Variants in SCAPER observed in about 807,000 individuals in gnomAD.
SCAPER encodes S-phase cyclin A associated protein in the ER, also known as S phase cyclin A-associated protein in the endoplasmic reticulum.
SCAPER carries 98 observed loss-of-function variants against 182.2 expected under a neutral mutation model. The ratio of observed to expected loss-of-function variants is 0.54; its 90% CI spans 0.46 to 0.64. The LOEUF (loss-of-function observed/expected upper bound fraction) is 0.64. Among genes scored for constraint, SCAPER ranks in the 30% least tolerant of loss-of-function variants. The pLI is 0.00. For synonymous variants in SCAPER, 605 were observed against 564.6 expected, an observed-to-expected ratio of 1.07 and a Z score of -1.01; for missense variants, 1,432 against 1,690.0, an observed-to-expected ratio of 0.85 and a Z score of 2.68.
In SCAPER at chr15:76,856,724, C is replaced by T. The variant is rs112395568; in HGVS notation, c.195+1085G>A. Among the ~76,000 whole-genome samples the T allele has an allele frequency of 2.0e-3, 301 of 151,878 alleles. 3 individuals carry two copies. The highest frequency in any genetic ancestry group is 6.6e-3 in the African/African-American group (272 of 41,428). The stretch of plus-strand genomic sequence containing the variant: ...ATTGTCCAAAAAATCAAAAGTTAGC[C>T]AGGCACAGTGGTGTACACTTGTGGT... On this transcript the variant is annotated intron_variant, in intron 4 of 31. Transcript: ENST00000563290.
chr15:76,876,007 G>C (rs565939556), intron 2 of SCAPER, among the ~76,000 whole-genome samples: 1 of 152,172 alleles, frequency 6.6e-6, no homozygotes, highest in African/African-American at 2.4e-5. Flanking sequence ...GCGAGAAATC[G>C]AGCGCAGCGC....
intron 22 of SCAPER, 53 bp downstream of exon 22, chr15:76,621,711 T>C: frequency 7.2e-7 from 1 of 1,394,932 alleles, no homozygotes; most frequent in Non-Finnish European, 1.0e-6. Flanking sequence ...GAGATACACT[T>C]TTGTTACAGG....
At chr15:76,746,823 C>T (rs554152482) in intron 15 of SCAPER, among the ~76,000 whole-genome samples, 1 of 152,076 alleles carries the variant, frequency 6.6e-6, no homozygotes, top group African/African-American at 2.4e-5. Flanking sequence ...CAGTGAAATA[C>T]TTGTATGTTA....
intron 8 of SCAPER, among the ~76,000 whole-genome samples, chr15:76,779,504 T>C (rs192971497): frequency 7.4e-4 from 112 of 152,136 alleles, no homozygotes; most frequent in African/African-American, 1.2e-3. Context: ...AAAGATAAAA[T>C]AGACAATCTG....
At position 76,775,121 on chromosome 15, in the gene SCAPER, T is replaced by G; in HGVS notation, c.773-4A>C. The G allele has an allele frequency of 6.3e-7, 1 of 1,583,872 alleles. No homozygotes were observed. The highest frequency in any genetic ancestry group is 1.4e-5 in the African/African-American group (1 of 73,568). ...CATCCTTCAGCATCTTTCCGTTCTA[T>G]GCAATTAAAGTAAAAAACAAATCAA... On this transcript the variant is annotated splice_region_variant and splice_polypyrimidine_tract_variant and intron_variant, in intron 8 of 31. Transcript: ENST00000563290.
chr15:76,566,191 A>C (rs2047023250), intron 23 of SCAPER, among the ~76,000 whole-genome samples: 1 of 152,190 alleles, frequency 6.6e-6, no homozygotes, highest in Non-Finnish European at 1.5e-5. Context: ...AAAAAGAGGA[A>C]AATGGTAGGG....
chr15:76,663,453 A>G (rs1476730969), intron 21 of SCAPER, among the ~76,000 whole-genome samples: 1 of 152,154 alleles, frequency 6.6e-6, no homozygotes, highest in Non-Finnish European at 1.5e-5. Context: ...TTTATTTATA[A>G]ATGTCCCAGA....
chr15:76,750,731 C>T (rs1363636349), intron 15 of SCAPER, among the ~76,000 whole-genome samples: 1 of 151,718 alleles, frequency 6.6e-6, no homozygotes, highest in Non-Finnish European at 1.5e-5. Context: ...AAACAACAAA[C>T]TAGGAACAGA....
chr15:76,527,018 C>A (rs945017070), intron 23 of SCAPER, among the ~76,000 whole-genome samples: 1 of 151,906 alleles, frequency 6.6e-6, no homozygotes, highest in Non-Finnish European at 1.5e-5. Context: ...ATTACAGATG[C>A]CCAACACCAT....
At chr15:76,767,301 T>C (rs1467353141) in intron 10 of SCAPER, among the ~76,000 whole-genome samples, 1 of 152,120 alleles carries the variant, frequency 6.6e-6, no homozygotes, top group African/African-American at 2.4e-5. Flanking sequence ...TTCCATAAAA[T>C]GGAACAATAA....
intron 20 of SCAPER, among the ~76,000 whole-genome samples, chr15:76,692,708 A>AAAAAAAAGG (rs2058432709): frequency 6.6e-6 from 1 of 150,964 alleles, no homozygotes; most frequent in Non-Finnish European, 1.5e-5. Context: ...AAAAAAAAAA[A>AAAAAAAAGG]AAAAGGAAAA....
chr15:76,515,434 A>C (rs936194091), intron 23 of SCAPER, among the ~76,000 whole-genome samples: 1 of 152,174 alleles, frequency 6.6e-6, no homozygotes, highest in African/African-American at 2.4e-5. Context: ...CTTTGCCCCT[A>C]TATCTCAAGT....
chr15:76,438,656 G>A (rs774922449), intron 25 of SCAPER, among the ~76,000 whole-genome samples: 1 of 152,186 alleles, frequency 6.6e-6, no homozygotes, highest in Non-Finnish European at 1.5e-5. Flanking sequence ...TCCCTTGTCA[G>A]GCTTGCTGGG....
intron 20 of SCAPER, among the ~76,000 whole-genome samples, chr15:76,690,983 A>G (rs1212741970): frequency 6.6e-6 from 1 of 152,158 alleles, no homozygotes; most frequent in Non-Finnish European, 1.5e-5. Flanking sequence ...AGCAAGGGAA[A>G]AAAGAGGGCT....
chr15:76,873,336 AGGCAGGC>A (rs1568382520), intron 2 of SCAPER, among the ~76,000 whole-genome samples: 5,054 of 57,914 alleles, frequency 0.087, 130 homozygotes, highest in Admixed American at 0.13. Context: ...GAAGGAAGGC[AGGCAGGC>A]AGGCAGGCAG....
chr15:76,516,769 T>C (rs2042459436), intron 23 of SCAPER, among the ~76,000 whole-genome samples: 2 of 152,286 alleles, frequency 1.3e-5, no homozygotes, highest in Admixed American at 6.5e-5. Flanking sequence ...TTCTATATCC[T>C]GAGGGACAGA....
At chr15:76,478,626 T>C (rs1446841946) in intron 24 of SCAPER, among the ~76,000 whole-genome samples, 2 of 152,196 alleles carry the variant, frequency 1.3e-5, no homozygotes, top group East Asian at 1.9e-4. Flanking sequence ...TTTTGGTGTG[T>C]TGTGTGAGAC....
chr15:76,639,583 C>T (rs1221675017), intron 21 of SCAPER, among the ~76,000 whole-genome samples: 1 of 152,128 alleles, frequency 6.6e-6, no homozygotes, highest in Admixed American at 6.6e-5. Flanking sequence ...ATTTACACTA[C>T]TATTTACACA....
chr15:76,702,731 G>T, intron 19 of SCAPER, 119 bp downstream of exon 19: 1 of 1,168,882 alleles, frequency 8.6e-7, no homozygotes, highest in Non-Finnish European at 1.2e-6. Context: ...TTACAGGTGT[G>T]AGCTGCCACA....
Sources: gnomAD v4.1 joint callset for allele counts (sites outside exome capture counted in the v4.1 genomes callset) on GRCh38, gnomAD v4.1.1 for gene constraint, MANE v1.5 for transcripts, NCBI Gene and HGNC (gene_info 2026-07-23, HGNC 2026-07-21) for gene names.